Variants in CATSPERE observed in about 807,000 individuals in gnomAD.
The protein encoded by CATSPERE is catsper channel auxiliary subunit epsilon, also known as cation channel sperm-associated auxiliary subunit epsilon.
In CATSPERE, 93 loss-of-function variants were observed where a neutral mutation model predicts 114.1. That is an observed-to-expected ratio of 0.81 (90% CI 0.69 to 0.97). The LOEUF (loss-of-function observed/expected upper bound fraction) is 0.97, where lower values mean the gene tolerates loss of function less well. Ranked by LOEUF, CATSPERE falls within the 50% of genes least tolerant of loss-of-function variation. The pLI is 0.00. For synonymous variants in CATSPERE, 341 were observed against 384.1 expected (o/e 0.89, Z 1.31); for missense variants, 1,058 against 1,131.6 (o/e 0.93, Z 0.93).
At chr1:244,459,652 A>C (rs1666478589), upstream of CATSPERE, among the ~76,000 whole-genome samples, 1 of 152,220 alleles carries the variant, frequency 6.6e-6, no homozygotes, top group Non-Finnish European at 1.5e-5. Flanking sequence ...TTTCTTGTGC[A>C]GTTTAGACTA....
chr1:244,552,425 C>G lies in CATSPERE; in HGVS notation c.640C>G (p.Leu214Val). The part of the protein sequence containing the change: ...QDCFIADFLI[L>V]LTFPLLTIPE... ...TTGCTTTATTGCAGATTTTCTTATT[C>G]TGTTGACTTTTCCTTTGTTGACCAT... Residue 214 changes from leucine to valine, a missense_variant, in exon 9 of 22, where the codon CTG becomes GTG. Coordinates refer to ENST00000366534, the MANE Select transcript of CATSPERE (RefSeq NM_001130957.2). 1.2e-6 allele frequency: 2 copies of G among 1,614,122 alleles called. No individual in the cohort carries two copies. Among genetic ancestry groups the G allele is most frequent in the Non-Finnish European group, 1.7e-6 (2 of 1,180,004 alleles).
chr1:244,626,347 T>G (rs1673186101), intron 20 of CATSPERE, among the ~76,000 whole-genome samples: 1 of 151,932 alleles, frequency 6.6e-6, no homozygotes, highest in Non-Finnish European at 1.5e-5. Context: ...TAGCCAGGTG[T>G]GGTGGCAGGC....
chr1:244,590,528 T>A (rs1667590498), intron 14 of CATSPERE, among the ~76,000 whole-genome samples: 1 of 152,208 alleles, frequency 6.6e-6, no homozygotes, highest in Admixed American at 6.5e-5. Context: ...CACCACTATC[T>A]AGTTCCACAA....
At chr1:244,498,368 G>A (rs1673445634) in intron 6 of CATSPERE, among the ~76,000 whole-genome samples, 1 of 152,132 alleles carries the variant, frequency 6.6e-6, no homozygotes, top group Admixed American at 6.5e-5. Context: ...TTACCTATGG[G>A]GTGCAGATGG....
At chr1:244,480,628 G>GCTACAGGCT (rs10527643) in intron 5 of CATSPERE, among the ~76,000 whole-genome samples, 1 of 55,544 alleles carries the variant, frequency 1.8e-5, no homozygotes, top group East Asian at 2.1e-3. Context: ...CTTCAGTAAA[G>GCTACAGGCT]CATGGTTGTT....
Position 244,473,701 on chromosome 1 carries a change from C to G in CATSPERE, c.115-3840C>G, listed in dbSNP as rs146167029. On this transcript the variant is annotated intron_variant, in intron 2 of 21. Transcript: ENST00000366534. ...GCAAACCCAAAGTCACCGAGGTCTTCTCTCATTACTTTAGTCTTTCTGGGT... is the reference window on the plus strand; with the variant it reads ...GCAAACCCAAAGTCACCGAGGTCTTGTCTCATTACTTTAGTCTTTCTGGGT... Among the ~76,000 whole-genome samples, 7 of 152,118 alleles carry G rather than the reference C, an allele frequency of 4.6e-5. No individual in the cohort carries two copies. The East Asian group carries it at 1.4e-3, about 29-fold the overall frequency.
intron 8 of CATSPERE, among the ~76,000 whole-genome samples, chr1:244,533,895 T>G (rs1407998474): frequency 6.6e-6 from 1 of 152,116 alleles, no homozygotes; most frequent in African/African-American, 2.4e-5. Context: ...CTCACTGTCT[T>G]TTTCTTTTAA....
At chr1:244,533,735 G>A (rs1002655706) in intron 8 of CATSPERE, among the ~76,000 whole-genome samples, 4 of 151,944 alleles carry the variant, frequency 2.6e-5, no homozygotes, top group Non-Finnish European at 2.9e-5. Flanking sequence ...TGAAAGTTGT[G>A]GTAGTTATTA....
At chr1:244,545,627 G>A (rs1659631322) in intron 8 of CATSPERE, among the ~76,000 whole-genome samples, 2 of 152,148 alleles carry the variant, frequency 1.3e-5, no homozygotes, top group South Asian at 4.1e-4. Context: ...ACAATTCTTG[G>A]CCTACTATTG....
At chr1:244,485,796 A>G (rs3006018) in intron 5 of CATSPERE, among the ~76,000 whole-genome samples, 59,671 of 149,546 alleles carry the variant, frequency 0.4, 12,492 homozygotes, top group East Asian at 0.72. Flanking sequence ...TCTTGGTGTC[A>G]GGCACTCCTC....
chr1:244,487,755 G>A (rs1460023544), intron 5 of CATSPERE, among the ~76,000 whole-genome samples: 1 of 152,110 alleles, frequency 6.6e-6, no homozygotes, highest in Non-Finnish European at 1.5e-5. Flanking sequence ...GGGGAATCAG[G>A]GGTAAATAAT....
At chr1:244,510,198 G>C (rs1414760257) in intron 7 of CATSPERE, among the ~76,000 whole-genome samples, 1 of 151,986 alleles carries the variant, frequency 6.6e-6, no homozygotes, top group Non-Finnish European at 1.5e-5. Context: ...TTATGACCTA[G>C]GTGTTTATTG....
intron 13 of CATSPERE, among the ~76,000 whole-genome samples, chr1:244,584,558 T>TATTATATTATATTATATTATATTA (rs1666746653): frequency 6.6e-6 from 1 of 152,014 alleles, no homozygotes; most frequent in African/African-American, 2.4e-5. Context: ...TATTATAGTA[T>TATTATATTATATTATATTATATTA]TGTGAAATTC....
chr1:244,519,835 G>A (rs540326460), intron 8 of CATSPERE, among the ~76,000 whole-genome samples: 6 of 149,180 alleles, frequency 4.0e-5, no homozygotes, highest in South Asian at 4.2e-4. Context: ...GCGCTCAGCC[G>A]CCATATTTGT....
intron 2 of CATSPERE, among the ~76,000 whole-genome samples, chr1:244,476,125 T>C (rs1669306612): frequency 6.6e-6 from 1 of 152,116 alleles, no homozygotes; most frequent in South Asian, 2.1e-4. Context: ...AGCTTGCAAA[T>C]GATGTATATA....
chr1:244,460,466 G>T (rs1286115159), upstream of CATSPERE, among the ~76,000 whole-genome samples: 1 of 152,160 alleles, frequency 6.6e-6, no homozygotes, highest in African/African-American at 2.4e-5. Flanking sequence ...TTTCACCCCT[G>T]ACCAATCAGC....
At chr1:244,562,802 G>A (rs1662778327) in intron 10 of CATSPERE, among the ~76,000 whole-genome samples, 1 of 151,908 alleles carries the variant, frequency 6.6e-6, no homozygotes, top group South Asian at 2.1e-4. Flanking sequence ...TGTTACATAG[G>A]TATACACGTG....
At chr1:244,601,939 G>A (rs1669294990) in intron 17 of CATSPERE, among the ~76,000 whole-genome samples, 1 of 151,980 alleles carries the variant, frequency 6.6e-6, no homozygotes. Context: ...GGGCAACAGA[G>A]CGAAACGGAA....
chr1:244,482,457 T>C (rs776361153), intron 5 of CATSPERE, among the ~76,000 whole-genome samples: 2 of 151,586 alleles, frequency 1.3e-5, no homozygotes, highest in Middle Eastern at 3.4e-3. Context: ...TAAAAAGTTG[T>C]CAGGCATGAT....
Sources: gnomAD v4.1 joint callset for allele counts (sites outside exome capture counted in the v4.1 genomes callset) on GRCh38, gnomAD v4.1.1 for gene constraint, MANE v1.5 for transcripts, NCBI Gene and HGNC (gene_info 2026-07-23, HGNC 2026-07-21) for gene names.